Variants in SLC9A1 observed in about 807,000 individuals in gnomAD.
The protein encoded by SLC9A1 is sodium/hydrogen exchanger 1.
SLC9A1 carries 22 observed loss-of-function variants against 67.9 expected under a neutral mutation model. The observed-to-expected ratio is 0.32, with a 90% confidence interval of 0.23 to 0.46. The LOEUF (loss-of-function observed/expected upper bound fraction) is 0.46, where lower values mean the gene tolerates loss of function less well. SLC9A1 is among the 20% of genes least tolerant of loss of function. The pLI is 1.00. For missense variants in SLC9A1, 686 were observed against 1,094.8 expected (o/e 0.63, Z 5.27); for synonymous variants, 421 against 471.8 (o/e 0.89, Z 1.40).
intron 6 of SLC9A1, 148 bp from the exon 7 acceptor site, chr1:27,102,891 T>A (rs1008568540): frequency 1.4e-5 from 10 of 708,752 alleles, no homozygotes; most frequent in African/African-American, 5.3e-5. Flanking sequence ...GCGCCCACAC[T>A]CCACTCATCG....
intron 1 of SLC9A1, among the ~76,000 whole-genome samples, chr1:27,145,031 C>T (rs1398546796): frequency 1.4e-5 from 2 of 145,842 alleles, no homozygotes; most frequent in African/African-American, 5.1e-5. Context: ...CACTCCAACC[C>T]AGGCGAAGAG....
At position 27,143,090 on chromosome 1, in the gene SLC9A1, T is replaced by G. The variant is rs1886146; in HGVS notation, c.352+10893A>C. On this transcript the variant is annotated intron_variant, in intron 1 of 11. Coordinates refer to ENST00000263980, the MANE Select transcript of SLC9A1 (RefSeq NM_003047.5). ...AAAAAATCTGAGTCTATCATGGGCC[T>G]TCTCCCTTGATAAAATCACATATAT... is the stretch of plus-strand genomic sequence containing the variant. Among the ~76,000 whole-genome samples the G allele has an allele frequency of 7.0e-3, 1,048 of 149,718 alleles. 16 individuals are homozygous for G. Among genetic ancestry groups the G allele is most frequent in the African/African-American group, 0.024 (986 of 40,782 alleles).
At chr1:27,139,059 A>G (rs1293588521) in intron 1 of SLC9A1, among the ~76,000 whole-genome samples, 2 of 151,838 alleles carry the variant, frequency 1.3e-5, no homozygotes. Flanking sequence ...CCAAGTCTAC[A>G]CCCCTCTGGA....
At chr1:27,145,774 T>C (rs937389582) in intron 1 of SLC9A1, among the ~76,000 whole-genome samples, 2 of 152,184 alleles carry the variant, frequency 1.3e-5, no homozygotes, top group African/African-American at 4.8e-5. Flanking sequence ...CTCTGGATTC[T>C]TGGCAAGTAG....
At position 27,154,563 on chromosome 1, in the gene SLC9A1, C is replaced by T. The variant is rs2083553627; in HGVS notation, c.-229G>A. ...GGGGGCAAGGACCCAGGAACGACCACGAAAGGAGACCAAAAGGTCTGGAAC... is the reference window on the plus strand; with the variant it reads ...GGGGGCAAGGACCCAGGAACGACCATGAAAGGAGACCAAAAGGTCTGGAAC... On this transcript the variant is annotated 5_prime_UTR_variant, in exon 1 of 12. In the 5' UTR this introduces an upstream ATG that the reference lacks. Transcript: ENST00000263980. The T allele has an allele frequency of 2.0e-5, 9 of 455,190 alleles. No homozygotes were observed. The highest frequency in any genetic ancestry group is 4.0e-5 in the Admixed American group (1 of 24,752). The allele number at this position is 455,190 out of a possible 1,614,324, so 28.2% of individuals were successfully genotyped here.
rs2083160306 is a variant in SLC9A1 at position 27,103,220 on chromosome 1, T to C, written c.1575+3A>G. The stretch of plus-strand genomic sequence containing the variant: ...ACCAAGGGCCCAGCCCGCACTCCAG[T>C]ACCTGTGTGTGGATCTCTTCGTTGA... On this transcript the variant is annotated splice_donor_region_variant and intron_variant, in intron 6 of 11. Coordinates refer to ENST00000263980, the MANE Select transcript of SLC9A1 (RefSeq NM_003047.5). The C allele has an allele frequency of 6.2e-7, 1 of 1,609,302 alleles. No individual in the cohort carries two copies. The highest frequency in any genetic ancestry group is 8.5e-7 in the Non-Finnish European group (1 of 1,175,640).
intron 1 of SLC9A1, among the ~76,000 whole-genome samples, chr1:27,139,888 G>A (rs1196625487): frequency 6.6e-6 from 1 of 151,774 alleles, no homozygotes; most frequent in African/African-American, 2.4e-5. Flanking sequence ...CACCTCCTGG[G>A]TTCAAGCCAT....
chr1:27,133,367 G>T (rs1445213299), intron 1 of SLC9A1, among the ~76,000 whole-genome samples: 4 of 152,212 alleles, frequency 2.6e-5, no homozygotes, highest in Non-Finnish European at 5.9e-5. Flanking sequence ...ATCACACCTG[G>T]CCCATTTCCT....
In SLC9A1 at chr1:27,101,229, G is replaced by T; in HGVS notation, c.2084C>A (p.Thr695Asn). 1 of 1,612,048 alleles carries T rather than the reference G, an allele frequency of 6.2e-7. No homozygotes were observed. The highest frequency in any genetic ancestry group is 8.5e-7 in the Non-Finnish European group (1 of 1,179,980). ...TGAGCCGATGCGGGCCCGAGACATG[G>T]TGGGTGAGTCCAGCTTGTGGGCTGG... is the stretch of plus-strand genomic sequence containing the variant. ...TVPAHKLDSP[T>N]MSRARIGSDP... Residue 695 changes from threonine to asparagine, a missense_variant, in exon 11 of 12, where the codon ACC becomes AAC. Around this residue, in one of 7 missense-constraint regions of SLC9A1, gnomAD observed 226 missense variants for 282.4 expected, o/e 0.80. Coordinates refer to ENST00000263980, the MANE Select transcript of SLC9A1 (RefSeq NM_003047.5). The surrounding 1 kb of genome is among the most constrained non-coding windows in gnomAD (Gnocchi z 4.9).
In SLC9A1 at chr1:27,100,259, TG is replaced by T; in HGVS notation, c.*47del. 7.2e-7 allele frequency: 1 copy of T among 1,394,116 alleles called. No homozygotes were observed. The highest frequency in any genetic ancestry group is 9.6e-7 in the Non-Finnish European group (1 of 1,037,336). The allele number at this position is 1,394,116 out of a possible 1,614,324, so 86.4% of individuals were successfully genotyped here. A position where few individuals can be genotyped will look rare whatever the true frequency, so the allele number is the denominator to read the frequency against. Reference sequence around the variant, plus strand: ...GGGGAGCCCCCAGCAGCCCCTGCTCTGGTGGAAGAGTCTGTGAGGGGACAGG... The same window carrying T: ...GGGGAGCCCCCAGCAGCCCCTGCTCTGTGGAAGAGTCTGTGAGGGGACAGG... On this transcript the variant is annotated 3_prime_UTR_variant, in exon 12 of 12. Transcript: ENST00000263980. This position sits in a 1 kb window ranked among gnomAD's most constrained non-coding sequence, Gnocchi z 5.6.
At chr1:27,122,596 T>C (rs2083311799) in intron 1 of SLC9A1, among the ~76,000 whole-genome samples, 1 of 152,220 alleles carries the variant, frequency 6.6e-6, no homozygotes, top group East Asian at 1.9e-4. Context: ...AGCCTGGCCC[T>C]GAATGCCCCA....
At chr1:27,146,685 G>T (rs1402856251) in intron 1 of SLC9A1, among the ~76,000 whole-genome samples, 1 of 152,042 alleles carries the variant, frequency 6.6e-6, no homozygotes, top group Non-Finnish European at 1.5e-5. Context: ...AGGCTGAGGT[G>T]GGGGGATTGC....
Position 27,114,231 on chromosome 1 carries a change from G to A in SLC9A1, c.408C>T (p.Ile136=), listed in dbSNP as rs759669008. Residue 136 remains isoleucine, a synonymous_variant, in exon 2 of 12, where the codon ATC becomes ATT. Transcript: ENST00000263980. This position sits in a 1 kb window ranked among gnomAD's most constrained non-coding sequence, Gnocchi z 5.4. ...GGCCCCCCACCAGCAGCCCCACCAC[G>A]ATCAGCAGGCAGCTCTCCGGGACGA... ...SSIVPESCLL[I]VVGLLVGGLI... 21 of 1,613,852 alleles carry A rather than the reference G, an allele frequency of 1.3e-5. No homozygotes were observed. The highest frequency in any genetic ancestry group is 2.2e-5 in the South Asian group (2 of 91,084).
intron 1 of SLC9A1, among the ~76,000 whole-genome samples, chr1:27,152,475 AGAC>A (rs1245902729): frequency 2.6e-5 from 4 of 152,222 alleles, no homozygotes; most frequent in Non-Finnish European, 5.9e-5. Flanking sequence ...ACAGCAAATC[AGAC>A]GACATTTCAT....
intron 3 of SLC9A1, among the ~76,000 whole-genome samples, chr1:27,108,214 C>T (rs903635669): frequency 7.3e-5 from 11 of 151,660 alleles, no homozygotes; most frequent in South Asian, 2.1e-4. Flanking sequence ...TACAGGTGCC[C>T]GCCACCACGC....
intron 1 of SLC9A1, among the ~76,000 whole-genome samples, chr1:27,128,047 C>G (rs1262829604): frequency 6.6e-6 from 1 of 152,174 alleles, no homozygotes; most frequent in Non-Finnish European, 1.5e-5. Context: ...TGGACAAAGT[C>G]GGGCTCTGTG....
At chr1:27,151,943 C>G (rs997602375) in intron 1 of SLC9A1, among the ~76,000 whole-genome samples, 4 of 152,178 alleles carry the variant, frequency 2.6e-5, no homozygotes, top group African/African-American at 9.7e-5. Context: ...AATGGGAAAA[C>G]TGAGGTCCAA....
At chr1:27,103,590 T>G (rs2083162955) in intron 5 of SLC9A1, 1 of 492,390 alleles carries the variant, frequency 2.0e-6, no homozygotes, top group Non-Finnish European at 3.7e-6. Flanking sequence ...ACAGCCTGGG[T>G]TCAGATGTGG....
rs554249681 is a variant in SLC9A1, at chr1:27,128,774, A to G, written c.353-14488T>C. 3.9e-5 allele frequency among the ~76,000 whole-genome samples: 6 copies of G among 152,034 alleles called. No homozygotes were observed. The East Asian group carries it at 7.8e-4, about 20-fold the overall frequency. On this transcript the variant is annotated intron_variant, in intron 1 of 11. Transcript: ENST00000263980. The stretch of plus-strand genomic sequence containing the variant: ...GGAGTTTGAGACCAGCCTGGCCAAC[A>G]TGGTGAAACCCCATCTCTATTAAAA...
Sources: gnomAD v4.1 joint callset for allele counts (sites outside exome capture counted in the v4.1 genomes callset) on GRCh38, gnomAD v4.1.1 for gene constraint, gnomAD v4.1.1 regional missense constraint, Gnocchi (gnomAD v3.1) non-coding constraint, MANE v1.5 for transcripts, NCBI Gene and HGNC (gene_info 2026-07-23, HGNC 2026-07-21) for gene names.